The following GRIK3 variants were observed in gnomAD, a reference collection of about 807,000 sequenced individuals.
GRIK3 encodes the protein glutamate receptor ionotropic, kainate 3.
A neutral mutation model predicts 102.5 loss-of-function variants in GRIK3; 29 were observed. The ratio of observed to expected loss-of-function variants is 0.28; its 90% CI spans 0.21 to 0.39. The LOEUF (loss-of-function observed/expected upper bound fraction) is 0.39. GRIK3 is among the 10% of genes least tolerant of loss of function. The pLI is 1.00. For synonymous variants in GRIK3, 511 were observed against 504.9 expected (o/e 1.01, Z -0.16); for missense variants, 908 against 1,252.4 (o/e 0.73, Z 4.15).
At chr1:36,932,775 C>T (rs1171464486) in intron 1 of GRIK3, among the ~76,000 whole-genome samples, 1 of 152,192 alleles carries the variant, frequency 6.6e-6, no homozygotes, top group Non-Finnish European at 1.5e-5. Context: ...CACCTGGTTG[C>T]TGTCACAAGT....
chr1:36,971,437 C>A (rs901443996), intron 1 of GRIK3, among the ~76,000 whole-genome samples: 1 of 152,168 alleles, frequency 6.6e-6, no homozygotes, highest in Non-Finnish European at 1.5e-5. Flanking sequence ...ACATCTGAAC[C>A]AGTCTACCCC....
At chr1:37,004,323 A>T (rs1488542853) in intron 1 of GRIK3, among the ~76,000 whole-genome samples, 1 of 152,226 alleles carries the variant, frequency 6.6e-6, no homozygotes. Context: ...ATCAAATGGA[A>T]AACTGCATAA....
At chr1:36,882,596 C>G (rs749172126) in intron 2 of GRIK3, among the ~76,000 whole-genome samples, 10 of 152,224 alleles carry the variant, frequency 6.6e-5, no homozygotes, top group Admixed American at 2.6e-4. Flanking sequence ...CAGAAAACCA[C>G]TCACTGACCT....
At chr1:36,931,944 C>T (rs186167176) in intron 1 of GRIK3, among the ~76,000 whole-genome samples, 8 of 152,272 alleles carry the variant, frequency 5.3e-5, no homozygotes, top group Non-Finnish European at 1.0e-4. Flanking sequence ...CCAGAGGACC[C>T]AGCTCTGCAT....
intron 1 of GRIK3, among the ~76,000 whole-genome samples, chr1:36,932,645 A>G (rs1641608952): frequency 6.6e-6 from 1 of 152,210 alleles, no homozygotes; most frequent in African/African-American, 2.4e-5. Flanking sequence ...CTTGGCTAAA[A>G]TAAGATTGCT....
At chr1:36,858,332 T>C (rs1049548336) in intron 7 of GRIK3, among the ~76,000 whole-genome samples, 20 of 152,212 alleles carry the variant, frequency 1.3e-4, no homozygotes, top group Admixed American at 6.5e-4. Flanking sequence ...CAAAGTCACA[T>C]AGCTAGTTGT....
intron 1 of GRIK3, among the ~76,000 whole-genome samples, chr1:36,986,337 G>A (rs147763827): frequency 1.6e-4 from 24 of 150,914 alleles, no homozygotes; most frequent in East Asian, 3.9e-4. Flanking sequence ...CCATCTGTCC[G>A]CCCATCCATC....
chr1:36,997,769 C>A (rs1035761259), intron 1 of GRIK3, among the ~76,000 whole-genome samples: 1 of 152,100 alleles, frequency 6.6e-6, no homozygotes, highest in African/African-American at 2.4e-5. Context: ...CTGAGTGGTG[C>A]CCAGGGTGGT....
At chr1:37,004,126 C>T (rs1642507389) in intron 1 of GRIK3, among the ~76,000 whole-genome samples, 1 of 152,120 alleles carries the variant, frequency 6.6e-6, no homozygotes, top group Non-Finnish European at 1.5e-5. Context: ...AAAAAAAACC[C>T]CACACATCAG....
intron 7 of GRIK3, among the ~76,000 whole-genome samples, chr1:36,855,690 T>C (rs978816087): frequency 6.6e-6 from 1 of 152,096 alleles, no homozygotes; most frequent in African/African-American, 2.4e-5. Context: ...GTGACAGAGG[T>C]TATTATTTCT....
At chr1:36,960,913 C>T (rs1304921265) in intron 1 of GRIK3, among the ~76,000 whole-genome samples, 9 of 152,194 alleles carry the variant, frequency 5.9e-5, no homozygotes, top group Non-Finnish European at 1.5e-5. Flanking sequence ...TGCAATCCCT[C>T]AGAGAGGAAA....
chr1:36,924,639 G>A (rs957160838), intron 1 of GRIK3, among the ~76,000 whole-genome samples: 9 of 152,112 alleles, frequency 5.9e-5, no homozygotes, highest in Admixed American at 2.6e-4. Flanking sequence ...AGGGGTCAGC[G>A]CTGGCCTTGC....
At chr1:36,855,782 T>G (rs1640644592) in intron 7 of GRIK3, among the ~76,000 whole-genome samples, 1 of 152,230 alleles carries the variant, frequency 6.6e-6, no homozygotes, top group East Asian at 1.9e-4. Context: ...ACTTGGGCCC[T>G]GGCCCAAGGC....
rs1553179964 is a variant in GRIK3, at chr1:36,887,771, A to AAAT, written c.292+3148_292+3149insATT. On this transcript the variant is annotated intron_variant, in intron 2 of 15. Transcript: ENST00000373091. ...AATTCCATCTCAAAAAAAAAAAAAA[A>AAAT]ATATATATATATATATATAGTGAGA... Among the ~76,000 whole-genome samples, 8 of 106,716 alleles carry AAAT rather than the reference A, an allele frequency of 7.5e-5. No individual in the cohort carries two copies. In the East Asian group the frequency reaches 1.3e-3, roughly 17 times the overall value. The allele number at this position is 106,716 out of a possible 152,430, so 70.0% of individuals were successfully genotyped here. A position where few individuals can be genotyped will look rare whatever the true frequency, so the allele number is the denominator to read the frequency against.
At chr1:36,996,595 G>A (rs1290731234) in intron 1 of GRIK3, among the ~76,000 whole-genome samples, 3 of 152,182 alleles carry the variant, frequency 2.0e-5, no homozygotes, top group Non-Finnish European at 1.5e-5. Context: ...GAGAAGAGGT[G>A]AAGACCAAAA....
Position 36,797,194 on chromosome 1 carries a change from C to A in GRIK3, c.*4657G>T, listed in dbSNP as rs1411446745. 1 of 152,134 alleles carries A rather than the reference C, an allele frequency of 6.6e-6. No homozygotes were observed. The highest frequency in any genetic ancestry group is 1.5e-5 in the Non-Finnish European group (1 of 68,068). 9.4% of individuals were successfully genotyped at this position (152,134 alleles called of 1,614,324 possible). A position where few individuals can be genotyped will look rare whatever the true frequency, so the allele number is the denominator to read the frequency against. Reference sequence around the variant, plus strand: ...GCCCCCATCTCTCATCTGGTCCTCACCCGTGCTGGCTGGGTTCTGTACACT... The same window carrying A: ...GCCCCCATCTCTCATCTGGTCCTCAACCGTGCTGGCTGGGTTCTGTACACT... On this transcript the variant is annotated 3_prime_UTR_variant, in exon 16 of 16. Transcript: ENST00000373091.
intron 10 of GRIK3, 48 bp downstream of exon 10, chr1:36,841,688 A>G (rs368383394): frequency 3.3e-6 from 5 of 1,501,148 alleles, no homozygotes; most frequent in Non-Finnish European, 4.6e-6. Context: ...GTTCTAGGCC[A>G]AGTCTCCCCA....
Position 36,958,647 on chromosome 1 carries a change from CAAT to C in GRIK3, c.116-67554_116-67552del, listed in dbSNP as rs1557441336. On this transcript the variant is annotated intron_variant, in intron 1 of 15. Coordinates refer to ENST00000373091, the MANE Select transcript of GRIK3 (RefSeq NM_000831.4). ...CCTGTGTGCCCTGTGACTGTGTGCC[CAAT>C]GAGCCTGTGTCCCGTGAGCCTGTGT... 4.2e-3 allele frequency among the ~76,000 whole-genome samples: 446 copies of C among 107,038 alleles called. 3 individuals are homozygous for C. Among genetic ancestry groups the C allele is most frequent in the East Asian group, 0.01 (23 of 2,252 alleles). 70.2% of individuals were successfully genotyped at this position (107,038 alleles called of 152,430 possible). A position where few individuals can be genotyped will look rare whatever the true frequency, so the allele number is the denominator to read the frequency against.
chr1:36,978,581 C>A (rs922810777), intron 1 of GRIK3, among the ~76,000 whole-genome samples: 4 of 152,192 alleles, frequency 2.6e-5, no homozygotes, highest in Non-Finnish European at 2.9e-5. Context: ...GCTAGGCAGA[C>A]CTAGGGTGGG....
Sources: gnomAD v4.1 joint callset for allele counts (sites outside exome capture counted in the v4.1 genomes callset) on GRCh38, gnomAD v4.1.1 for gene constraint, MANE v1.5 for transcripts, NCBI Gene and HGNC (gene_info 2026-07-23, HGNC 2026-07-21) for gene names.